The following TFCP2L1 variants were observed in gnomAD, a reference collection of about 807,000 sequenced individuals.
TFCP2L1 encodes the protein transcription factor CP2 like 1.
Under a neutral mutation model 72.2 loss-of-function variants are expected in TFCP2L1, and 12 were observed. The ratio of observed to expected loss-of-function variants is 0.17; its 90% CI spans 0.11 to 0.27. The LOEUF (loss-of-function observed/expected upper bound fraction) is 0.27, where lower values mean the gene tolerates loss of function less well. Ranked by LOEUF, TFCP2L1 falls within the 10% of genes least tolerant of loss-of-function variation. The pLI is 1.00. For synonymous variants in TFCP2L1, 260 were observed against 251.0 expected, an observed-to-expected ratio of 1.04 and a Z score of -0.34; for missense variants, 488 against 624.6, an observed-to-expected ratio of 0.78 and a Z score of 2.33.
At chr2:121,250,282 G>A (rs2713207) in intron 2 of TFCP2L1, among the ~76,000 whole-genome samples, 29,487 of 151,134 alleles carry the variant, frequency 0.2, 3,197 homozygotes, top group East Asian at 0.33. Context: ...GAAATGACAC[G>A]CATTTTATTG....
In TFCP2L1 at chr2:121,234,133, G is replaced by C; in HGVS notation, c.1156C>G (p.Leu386Val). 6.2e-7 allele frequency: 1 copy of C among 1,614,096 alleles called. No homozygotes were observed. Among genetic ancestry groups the C allele is most frequent in the Non-Finnish European group, 8.5e-7 (1 of 1,180,038 alleles). ...CQELEQNRVP[L>V]QQKRDGSGDS... ...CCACTGCCGTCCCGCTTCTGCTGCA[G>C]GGGCACTCGATTCTGCTCCAGCTCC... Residue 386 changes from leucine to valine, a missense_variant, in exon 12 of 15, where the codon CTG (leucine) becomes GTG (valine). This residue lies in a region of TFCP2L1 where 286 missense variants were observed against 329.0 expected (regional missense o/e 0.87). Transcript: ENST00000263707.
chr2:121,256,873 T>G, intron 2 of TFCP2L1, among the ~76,000 whole-genome samples: 1 of 152,078 alleles, frequency 6.6e-6, no homozygotes, highest in Non-Finnish European at 1.5e-5. Context: ...GGAGAACCGC[T>G]TGAACCCGGG....
chr2:121,275,147 G>C (rs1687119223), intron 2 of TFCP2L1, among the ~76,000 whole-genome samples: 1 of 152,066 alleles, frequency 6.6e-6, no homozygotes, highest in Admixed American at 6.5e-5. Context: ...CACTTTGGGA[G>C]GCCAAGGCAG....
Position 121,237,734 on chromosome 2 carries a change from AG to A in TFCP2L1, c.910-19del. ...AGCAGGTGCTGTGAGCAGAGGGGAG[AG>A]GCCTTGAGATGGTGGCTCAGGGCCC... On this transcript the variant is annotated intron_variant, in intron 9 of 14. Transcript: ENST00000263707. 1 of 1,614,080 alleles carries A rather than the reference AG, an allele frequency of 6.2e-7. No individual in the cohort carries two copies. Among genetic ancestry groups the A allele is most frequent in the South Asian group, 1.1e-5 (1 of 91,086 alleles).
At chr2:121,263,014 C>G (rs1351579101) in intron 2 of TFCP2L1, among the ~76,000 whole-genome samples, 1 of 151,946 alleles carries the variant, frequency 6.6e-6, no homozygotes, top group Non-Finnish European at 1.5e-5. Flanking sequence ...CAGCTCACCG[C>G]AACCCCCATC....
chr2:121,226,431 G>T (rs1249124207), intron 13 of TFCP2L1, among the ~76,000 whole-genome samples: 3 of 151,890 alleles, frequency 2.0e-5, no homozygotes, highest in African/African-American at 7.3e-5. Flanking sequence ...GATTCTTCCA[G>T]TCTCTATAAC....
At chr2:121,283,673 A>T (rs1216101963) in intron 1 of TFCP2L1, among the ~76,000 whole-genome samples, 2 of 152,226 alleles carry the variant, frequency 1.3e-5, no homozygotes, top group Admixed American at 6.5e-5. Context: ...GTATCTAGGA[A>T]GTTTCAAGTA....
intron 1 of TFCP2L1, among the ~76,000 whole-genome samples, chr2:121,282,500 G>A (rs1393202490): frequency 2.7e-5 from 4 of 148,558 alleles, no homozygotes; most frequent in African/African-American, 5.0e-5. Flanking sequence ...GGGCACCATA[G>A]TGAGACCCCA....
intron 2 of TFCP2L1, among the ~76,000 whole-genome samples, chr2:121,261,026 C>A (rs1686821860): frequency 6.6e-6 from 1 of 152,172 alleles, no homozygotes; most frequent in Non-Finnish European, 1.5e-5. Flanking sequence ...AAAGCACAAT[C>A]CTGAACTCAT....
chr2:121,229,655 A>G (rs1686100465), intron 13 of TFCP2L1, among the ~76,000 whole-genome samples: 1 of 152,222 alleles, frequency 6.6e-6, no homozygotes, highest in South Asian at 2.1e-4. Context: ...ATCACAGTCA[A>G]TGACACCACC....
intron 10 of TFCP2L1, among the ~76,000 whole-genome samples, chr2:121,237,290 C>T (rs567593498): frequency 3.9e-4 from 60 of 152,214 alleles, no homozygotes; most frequent in Non-Finnish European, 6.9e-4. Flanking sequence ...GTAGGAAAAG[C>T]ATAAGGGGCC....
At chr2:121,255,369 G>T (rs56664083) in intron 2 of TFCP2L1, among the ~76,000 whole-genome samples, 6,560 of 152,202 alleles carry the variant, frequency 0.043, 219 homozygotes, top group East Asian at 0.13. Flanking sequence ...GTAAAATGTG[G>T]GGGGGAGGGG....
At position 121,235,426 on chromosome 2, in the gene TFCP2L1, G is replaced by A; in HGVS notation, c.1004-115C>T. The A allele has an allele frequency of 5.9e-6, 6 of 1,008,464 alleles. No individual in the cohort carries two copies. The South Asian group carries it at 6.7e-5, about 11-fold the overall frequency. 62.5% of individuals were successfully genotyped at this position (1,008,464 alleles called of 1,614,324 possible). A position where few individuals can be genotyped will look rare whatever the true frequency, so the allele number is the denominator to read the frequency against. The stretch of plus-strand genomic sequence containing the variant: ...GGTGGGGGGTGGGGAAGAGCCAGCT[G>A]CACTATCTCACAGAGAGAAAATGGC... On this transcript the variant is annotated intron_variant, in intron 10 of 14. Transcript: ENST00000263707.
At chr2:121,279,479 G>T (rs1687212501) in intron 2 of TFCP2L1, among the ~76,000 whole-genome samples, 1 of 152,158 alleles carries the variant, frequency 6.6e-6, no homozygotes, top group South Asian at 2.1e-4. Flanking sequence ...AACAACTGAG[G>T]CCAGCAGAGC....
In TFCP2L1 at chr2:121,220,593, T is replaced by G. The variant is rs536291064; in HGVS notation, c.*3748A>C. 1 of 152,318 alleles carries G rather than the reference T, an allele frequency of 6.6e-6. No individual in the cohort carries two copies. The highest frequency in any genetic ancestry group is 2.1e-4 in the South Asian group (1 of 4,818). 9.4% of individuals were successfully genotyped at this position (152,318 alleles called of 1,614,324 possible). On this transcript the variant is annotated 3_prime_UTR_variant, in exon 15 of 15. Coordinates refer to ENST00000263707, the MANE Select transcript of TFCP2L1 (RefSeq NM_014553.3). ...GGTTCACTGTAAAAAGAAGCTACAGTTCAGAAGCCACAGGTTGGTGGGAAT... is the reference window on the plus strand; with the variant it reads ...GGTTCACTGTAAAAAGAAGCTACAGGTCAGAAGCCACAGGTTGGTGGGAAT...
At chr2:121,263,853 C>T (rs1686877862) in intron 2 of TFCP2L1, among the ~76,000 whole-genome samples, 1 of 152,200 alleles carries the variant, frequency 6.6e-6, no homozygotes, top group African/African-American at 2.4e-5. Flanking sequence ...CACTGGGTGC[C>T]TGGGGCAGAG....
intron 1 of TFCP2L1, among the ~76,000 whole-genome samples, chr2:121,284,521 A>G (rs1450509660): frequency 5.9e-5 from 9 of 152,198 alleles, no homozygotes; most frequent in Non-Finnish European, 1.3e-4. Flanking sequence ...GCGCAAGACC[A>G]TCGCGGGAAG....
intron 14 of TFCP2L1, among the ~76,000 whole-genome samples, chr2:121,225,257 A>G (rs1686005719): frequency 6.6e-6 from 1 of 152,048 alleles, no homozygotes; most frequent in Admixed American, 6.6e-5. Flanking sequence ...CTACCTGCAG[A>G]CTCAGTGGCT....
intron 7 of TFCP2L1, among the ~76,000 whole-genome samples, chr2:121,241,112 CCAAT>C (rs1686357805): frequency 6.6e-6 from 1 of 152,188 alleles, no homozygotes; most frequent in Non-Finnish European, 1.5e-5. Context: ...AACACCACCA[CCAAT>C]CAGTCAGCCT....
Sources: allele counts gnomAD v4.1 joint callset (sites outside exome capture counted in the v4.1 genomes callset), GRCh38; gene constraint gnomAD v4.1.1; regional missense constraint gnomAD v4.1.1; transcripts MANE v1.5; gene names NCBI Gene and HGNC (gene_info 2026-07-23, HGNC 2026-07-21).